The following PDSS2 variants were observed in gnomAD, a reference collection of about 807,000 sequenced individuals.
PDSS2 encodes the protein decaprenyl diphosphate synthase subunit 2, also known as all trans-polyprenyl-diphosphate synthase PDSS2.
Under a neutral mutation model 44.5 loss-of-function variants are expected in PDSS2, and 31 were observed. That is an observed-to-expected ratio of 0.70 (90% confidence interval 0.52 to 0.94). The LOEUF (loss-of-function observed/expected upper bound fraction) is 0.94, where lower values mean the gene tolerates loss of function less well. PDSS2 is among the 40% of genes least tolerant of loss of function. The probability of loss-of-function intolerance (pLI) is 0.00; values close to 1 mark genes in which losing one functional copy is unlikely to be tolerated. For missense variants in PDSS2, 452 were observed against 482.2 expected (o/e 0.94, Z 0.59); for synonymous variants, 157 against 180.3 (o/e 0.87, Z 1.03).
chr6:107,380,879 G>A (rs1779434762), intron 1 of PDSS2, among the ~76,000 whole-genome samples: 2 of 152,146 alleles, frequency 1.3e-5, no homozygotes, highest in Admixed American at 1.3e-4. Context: ...GGAGAAACTG[G>A]AAGTCACAAA....
At chr6:107,362,992 G>GA (rs1470284593) in intron 1 of PDSS2, among the ~76,000 whole-genome samples, 2 of 152,030 alleles carry the variant, frequency 1.3e-5, no homozygotes, top group Non-Finnish European at 2.9e-5. Flanking sequence ...TAACATAGGG[G>GA]AAAAAACTGA....
intron 3 of PDSS2, among the ~76,000 whole-genome samples, chr6:107,255,530 C>T (rs1031084887): frequency 1.4e-5 from 2 of 147,710 alleles, no homozygotes; most frequent in African/African-American, 2.5e-5. Flanking sequence ...ACCCAGGAGG[C>T]GGAGGTTGCG....
chr6:107,405,719 C>T (rs1296455427), intron 1 of PDSS2, among the ~76,000 whole-genome samples: 2 of 151,110 alleles, frequency 1.3e-5, no homozygotes, highest in East Asian at 1.9e-4. Context: ...TAGCGGCGGG[C>T]GCCTGTAGTC....
chr6:107,220,867 T>TAA (rs1773578665), intron 4 of PDSS2, among the ~76,000 whole-genome samples: 1 of 152,150 alleles, frequency 6.6e-6, no homozygotes, highest in Non-Finnish European at 1.5e-5. Flanking sequence ...AAATCCCTCA[T>TAA]TTCCATCAGC....
chr6:107,164,487 G>A (rs138396861), intron 7 of PDSS2, among the ~76,000 whole-genome samples: 3,416 of 152,252 alleles, frequency 0.022, 129 homozygotes, highest in African/African-American at 0.076. Flanking sequence ...CCCTACACAG[G>A]ACATGAACTC....
At chr6:107,199,144 G>T (rs967381935) in intron 6 of PDSS2, among the ~76,000 whole-genome samples, 1 of 152,120 alleles carries the variant, frequency 6.6e-6, no homozygotes, top group African/African-American at 2.4e-5. Context: ...TACACCTCTT[G>T]GTTGCTCATT....
chr6:107,352,425 C>A (rs183409000), intron 1 of PDSS2, among the ~76,000 whole-genome samples: 3 of 152,100 alleles, frequency 2.0e-5, no homozygotes, highest in Non-Finnish European at 4.4e-5. Context: ...ATTAAAAATT[C>A]TCTTTTATGA....
chr6:107,376,762 C>T (rs1040852742), intron 1 of PDSS2, among the ~76,000 whole-genome samples: 3 of 151,986 alleles, frequency 2.0e-5, no homozygotes, highest in Non-Finnish European at 2.9e-5. Context: ...CCTTCTCCTG[C>T]CTAATTGCCC....
In PDSS2 at chr6:107,258,962, T is replaced by C. The variant is rs12662896; in HGVS notation, c.631-13343A>G. Among the ~76,000 whole-genome samples, 53 of 152,322 alleles carry C rather than the reference T, an allele frequency of 3.5e-4. 1 individual carries two copies. The East Asian group carries it at 0.01, about 29-fold the overall frequency. On this transcript the variant is annotated intron_variant, in intron 3 of 7. Transcript: ENST00000369037. ...TCATGGTTCTTTGTTGGTCTGTCAG[T>C]TTTCTACTTTAGTAAAGCATGAGGA...
intron 1 of PDSS2, among the ~76,000 whole-genome samples, chr6:107,442,310 G>A (rs1014644077): frequency 3.9e-5 from 6 of 152,164 alleles, no homozygotes; most frequent in East Asian, 1.9e-4. Flanking sequence ...CCAGCTACTC[G>A]GGAGGCTGAG....
chr6:107,410,906 G>A (rs1298038807), intron 1 of PDSS2, among the ~76,000 whole-genome samples: 1 of 149,744 alleles, frequency 6.7e-6, no homozygotes, highest in Non-Finnish European at 1.5e-5. Flanking sequence ...TTACTTTTTT[G>A]AGACAGAGTC....
chr6:107,199,625 C>T (rs1047028764), intron 6 of PDSS2, among the ~76,000 whole-genome samples: 13 of 152,190 alleles, frequency 8.5e-5, no homozygotes, highest in African/African-American at 2.9e-4. Flanking sequence ...AGATATGCTT[C>T]GTCTACAATC....
chr6:107,287,917 C>T (rs1366119915), intron 2 of PDSS2, among the ~76,000 whole-genome samples: 1 of 152,092 alleles, frequency 6.6e-6, no homozygotes, highest in Non-Finnish European at 1.5e-5. Flanking sequence ...ATAGCTTGAA[C>T]CCAGGAGTTC....
Position 107,237,534 on chromosome 6 carries a change from T to C in PDSS2, c.702+8014A>G, listed in dbSNP as rs774255857. Among the ~76,000 whole-genome samples, 12 of 152,126 alleles carry C rather than the reference T, an allele frequency of 7.9e-5. No homozygotes were observed. In the South Asian group the frequency reaches 1.5e-3, roughly 18 times the overall value. On this transcript the variant is annotated intron_variant, in intron 4 of 7. Transcript: ENST00000369037. ...CTGGGATTACAGGCATGAGTCACCG[T>C]ACCTGGCCCTGGCCTCTTATTTTTA... is the stretch of plus-strand genomic sequence containing the variant.
intron 2 of PDSS2, among the ~76,000 whole-genome samples, chr6:107,305,242 T>C (rs1305552873): frequency 6.6e-6 from 1 of 152,058 alleles, no homozygotes; most frequent in African/African-American, 2.4e-5. Flanking sequence ...GTAATGTCAA[T>C]GTTTGGATCA....
intron 7 of PDSS2, among the ~76,000 whole-genome samples, chr6:107,174,731 C>A (rs1199468005): frequency 6.6e-6 from 1 of 152,146 alleles, no homozygotes; most frequent in Non-Finnish European, 1.5e-5. Context: ...AATTAAACAT[C>A]TTAATCTGAC....
intron 3 of PDSS2, among the ~76,000 whole-genome samples, chr6:107,273,670 CA>C (rs1013709892): frequency 2.7e-4 from 41 of 151,928 alleles, no homozygotes; most frequent in Admixed American, 2.5e-3. Flanking sequence ...CATTAATGAA[CA>C]ACAAAAAAAG....
intron 1 of PDSS2, among the ~76,000 whole-genome samples, chr6:107,426,173 G>A (rs750075959): frequency 1.7e-4 from 26 of 152,244 alleles, no homozygotes; most frequent in African/African-American, 4.1e-4. Flanking sequence ...GGGTCCCTCC[G>A]CTGTGTAGTC....
At chr6:107,392,663 G>A (rs183830198) in intron 1 of PDSS2, among the ~76,000 whole-genome samples, 30 of 152,174 alleles carry the variant, frequency 2.0e-4, no homozygotes, top group Non-Finnish European at 2.8e-4. Context: ...TCTTCTAACC[G>A]GTAGGTAATT....
Sources: gnomAD v4.1 joint callset for allele counts (sites outside exome capture counted in the v4.1 genomes callset) on GRCh38, gnomAD v4.1.1 for gene constraint, MANE v1.5 for transcripts, NCBI Gene and HGNC (gene_info 2026-07-23, HGNC 2026-07-21) for gene names.